Variants in ZFHX3 observed in about 807,000 individuals in gnomAD.
The protein encoded by ZFHX3 is zinc finger homeobox 3.
Under a neutral mutation model 279.1 loss-of-function variants are expected in ZFHX3, and 42 were observed. The ratio of observed to expected loss-of-function variants is 0.15; its 90% CI spans 0.12 to 0.19. ZFHX3 has a LOEUF of 0.19. ZFHX3 is among the 10% of genes least tolerant of loss of function. ZFHX3 has a pLI of 1.00. For synonymous variants in ZFHX3, 2,293 were observed against 1,957.8 expected (o/e 1.17, Z -4.52); for missense variants, 4,981 against 4,754.0 (o/e 1.05, Z -1.40).
chr16:73,602,752 C>T (rs2052132597), intron 2 of ZFHX3, among the ~76,000 whole-genome samples: 1 of 151,566 alleles, frequency 6.6e-6, no homozygotes, highest in African/African-American at 2.4e-5. Context: ...CAAGACCGGC[C>T]TGGCCAACAT....
chr16:72,879,932 G>A (rs2038418355), intron 4 of ZFHX3, among the ~76,000 whole-genome samples: 1 of 152,192 alleles, frequency 6.6e-6, no homozygotes. Flanking sequence ...AACAGGCAAG[G>A]AAAGAGTCAT....
chr16:73,460,727 G>A (rs190888046), intron 2 of ZFHX3, among the ~76,000 whole-genome samples: 28 of 152,274 alleles, frequency 1.8e-4, no homozygotes, highest in Middle Eastern at 3.4e-3. Flanking sequence ...GATCATGAGG[G>A]CAGTTTCTCA....
chr16:73,711,791 T>A (rs1393995206), intron 1 of ZFHX3, among the ~76,000 whole-genome samples: 1 of 152,244 alleles, frequency 6.6e-6, no homozygotes, highest in Non-Finnish European at 1.5e-5. Flanking sequence ...CCATCTCAGC[T>A]GGGCTGTTTT....
intron 7 of ZFHX3, among the ~76,000 whole-genome samples, chr16:73,104,264 T>C (rs1349794427): frequency 6.6e-6 from 1 of 151,034 alleles, no homozygotes; most frequent in Non-Finnish European, 1.5e-5. Context: ...AGAGTCTCGC[T>C]CTGTCACCCA....
chr16:73,755,644 C>T (rs1189499117), intron 1 of ZFHX3, among the ~76,000 whole-genome samples: 6 of 152,158 alleles, frequency 3.9e-5, no homozygotes, highest in Admixed American at 1.3e-4. Context: ...TGGGAATTGT[C>T]CTGACAGCTC....
chr16:73,532,804 G>A (rs1162055735), intron 2 of ZFHX3, among the ~76,000 whole-genome samples: 1 of 152,186 alleles, frequency 6.6e-6, no homozygotes, highest in African/African-American at 2.4e-5. Flanking sequence ...TTGAATCATG[G>A]AGGCAGTTTC....
chr16:73,466,707 G>T (rs995871905), intron 2 of ZFHX3, among the ~76,000 whole-genome samples: 2 of 152,156 alleles, frequency 1.3e-5, no homozygotes, highest in African/African-American at 4.8e-5. Flanking sequence ...CTCAACCCAT[G>T]GCAGTGTTCA....
chr16:73,849,954 A>C (rs923597611), intron 1 of ZFHX3, among the ~76,000 whole-genome samples: 20 of 152,188 alleles, frequency 1.3e-4, no homozygotes, highest in African/African-American at 4.1e-4. Context: ...GCTCGTCTCA[A>C]ATTCCTGACC....
At chr16:73,551,056 T>G (rs1371747299) in intron 2 of ZFHX3, among the ~76,000 whole-genome samples, 2 of 152,210 alleles carry the variant, frequency 1.3e-5, no homozygotes, top group African/African-American at 4.8e-5. Flanking sequence ...TTTAAACAAA[T>G]TATACCTAAA....
intron 1 of ZFHX3, among the ~76,000 whole-genome samples, chr16:73,013,354 G>A (rs1241929656): frequency 3.3e-5 from 5 of 152,080 alleles, no homozygotes; most frequent in Admixed American, 1.3e-4. Context: ...GTAGTACGAT[G>A]TTGGCTCACT....
At chr16:73,059,524 T>TCTCTCTCTCTCTCTCTCTCTC (rs1965652142) in exon 1 of ZFHX3, 6 of 103,250 alleles carry the variant, frequency 5.8e-5, no homozygotes, top group East Asian at 4.1e-4. Flanking sequence ...ATTTTCCCCT[T>TCTCTCTCTCTCTCTCTCTCTC]TCTCTCTCTC....
chr16:73,182,033 T>A (rs756879206), intron 5 of ZFHX3, among the ~76,000 whole-genome samples: 6 of 152,210 alleles, frequency 3.9e-5, no homozygotes, highest in Admixed American at 2.0e-4. Flanking sequence ...GAGGGCAGCT[T>A]GTTTCATATG....
At chr16:72,809,381 C>T (rs2036370623) in intron 7 of ZFHX3, 1 of 152,180 alleles carries the variant, frequency 6.6e-6, no homozygotes, top group Non-Finnish European at 1.5e-5. Context: ...ATGGGAAGTA[C>T]AATGAGGCCT....
chr16:73,659,516 G>C, intron 2 of ZFHX3, among the ~76,000 whole-genome samples: 1 of 152,072 alleles, frequency 6.6e-6, no homozygotes, highest in East Asian at 1.9e-4. Flanking sequence ...GAGATTCCCA[G>C]GGCACCATGC....
In ZFHX3 at chr16:73,269,899, C is replaced by T. The variant is rs190106051; in HGVS notation, c.-1193-12763G>A. ...GAGTAGCTGGAATAAGAGGTGTGCG[C>T]CACCATGCCTGGCTAATTTTTTATT... On this transcript the variant is annotated intron_variant, in intron 4 of 17. Transcript: ENST00000641206. 6.4e-4 allele frequency among the ~76,000 whole-genome samples: 98 copies of T among 152,154 alleles called. 1 individual carries two copies. The highest frequency in any genetic ancestry group is 2.2e-3 in the African/African-American group (93 of 41,524).
intron 1 of ZFHX3, among the ~76,000 whole-genome samples, chr16:73,009,367 G>A (rs369885526): frequency 6.6e-6 from 1 of 151,752 alleles, no homozygotes; most frequent in Non-Finnish European, 1.5e-5. Context: ...AAATCCACAC[G>A]CCTGCACACA....
At chr16:73,696,345 CT>C (rs141803268) in intron 1 of ZFHX3, among the ~76,000 whole-genome samples, 8,489 of 152,254 alleles carry the variant, frequency 0.056, 298 homozygotes, top group Non-Finnish European at 0.083. Context: ...ACTAAGATTG[CT>C]TTCAAGTAGT....
At chr16:73,378,920 T>A (rs1176404827) in intron 3 of ZFHX3, among the ~76,000 whole-genome samples, 1 of 152,206 alleles carries the variant, frequency 6.6e-6, no homozygotes, top group Non-Finnish European at 1.5e-5. Context: ...ATCTACCTTT[T>A]TAAGATTGTC....
At chr16:73,236,022 G>T (rs756571420) in intron 5 of ZFHX3, among the ~76,000 whole-genome samples, 4 of 152,180 alleles carry the variant, frequency 2.6e-5, no homozygotes, top group Non-Finnish European at 5.9e-5. Context: ...AAACATATTT[G>T]CAAAGACAGT....
Sources: gnomAD v4.1 joint callset for allele counts (sites outside exome capture counted in the v4.1 genomes callset) on GRCh38, gnomAD v4.1.1 for gene constraint, MANE v1.5 for transcripts, NCBI Gene and HGNC (gene_info 2026-07-23, HGNC 2026-07-21) for gene names.